ST6GALNAC5: variants seen among roughly 807,000 people sequenced by gnomAD.
The protein encoded by ST6GALNAC5 is ST6 N-acetylgalactosaminide alpha-2,6-sialyltransferase 5.
In ST6GALNAC5, 27 loss-of-function variants were observed where a neutral mutation model predicts 33.6. The observed-to-expected ratio is 0.80, with a 90% CI of 0.59 to 1.11. The LOEUF (loss-of-function observed/expected upper bound fraction) is 1.11, where lower values mean the gene tolerates loss of function less well. Ranked by LOEUF, ST6GALNAC5 falls within the 50% of genes least tolerant of loss-of-function variation. ST6GALNAC5 has a pLI of 0.00. For missense variants in ST6GALNAC5, 428 were observed against 454.0 expected, an observed-to-expected ratio of 0.94 and a Z score of 0.52; for synonymous variants, 194 against 171.2, an observed-to-expected ratio of 1.13 and a Z score of -1.04.
intron 2 of ST6GALNAC5, among the ~76,000 whole-genome samples, chr1:76,894,232 T>A (rs910108145): frequency 6.6e-6 from 1 of 152,174 alleles, no homozygotes; most frequent in African/African-American, 2.4e-5. Context: ...CATCATAAAA[T>A]TTTTGAAATT....
chr1:76,946,478 T>C (rs1342113998), intron 2 of ST6GALNAC5, among the ~76,000 whole-genome samples: 1 of 152,140 alleles, frequency 6.6e-6, no homozygotes, highest in Non-Finnish European at 1.5e-5. Flanking sequence ...TAGCAGCAAG[T>C]AATTACCTCC....
At chr1:77,050,191 A>C in intron 3 of ST6GALNAC5, 67 bp from the exon 4 acceptor site, 1 of 1,343,380 alleles carries the variant, frequency 7.4e-7, no homozygotes, top group Non-Finnish European at 1.1e-6. Context: ...CTAGGAAAGA[A>C]TTAAAGATGG....
At chr1:76,979,451 T>C (rs537818492) in intron 2 of ST6GALNAC5, among the ~76,000 whole-genome samples, 163 of 152,000 alleles carry the variant, frequency 1.1e-3, no homozygotes, top group Non-Finnish European at 1.9e-3. Flanking sequence ...TGAAACAGAA[T>C]AGAGAACCCA....
At chr1:77,030,658 T>C (rs1651418195) in intron 2 of ST6GALNAC5, among the ~76,000 whole-genome samples, 1 of 152,240 alleles carries the variant, frequency 6.6e-6, no homozygotes, top group African/African-American at 2.4e-5. Context: ...CAAGAGGTTA[T>C]AGATCTACTA....
In ST6GALNAC5 at chr1:76,963,546, G is replaced by C. The variant is rs573334048; in HGVS notation, c.262-80658G>C. Reference sequence around the variant, plus strand: ...AATGGGGTGTCCAAATCACAAGCCTGGTCTGGTTTAGGTGACCATCATATA... The same window carrying C: ...AATGGGGTGTCCAAATCACAAGCCTCGTCTGGTTTAGGTGACCATCATATA... On this transcript the variant is annotated intron_variant, in intron 2 of 4. Coordinates refer to ENST00000477717, the MANE Select transcript of ST6GALNAC5 (RefSeq NM_030965.3). Among the ~76,000 whole-genome samples, 18 of 152,282 alleles carry C rather than the reference G, an allele frequency of 1.2e-4. No homozygotes were observed. The South Asian group carries it at 3.7e-3, about 32-fold the overall frequency.
At position 76,969,743 on chromosome 1, in the gene ST6GALNAC5, C is replaced by T. The variant is rs570173824; in HGVS notation, c.262-74461C>T. Among the ~76,000 whole-genome samples the T allele has an allele frequency of 9.2e-5, 14 of 152,266 alleles. No homozygotes were observed. In the South Asian group the frequency reaches 1.7e-3, roughly 18 times the overall value. On this transcript the variant is annotated intron_variant, in intron 2 of 4. Coordinates refer to ENST00000477717, the MANE Select transcript of ST6GALNAC5 (RefSeq NM_030965.3). ...CCTCCTCAAGTGGGTCCCTGACCCC[C>T]GTGTAGCCTAACTGGGAGAGACCTC...
intron 2 of ST6GALNAC5, among the ~76,000 whole-genome samples, chr1:76,946,964 G>A (rs902410762): frequency 1.5e-5 from 2 of 134,808 alleles, no homozygotes; most frequent in Non-Finnish European, 3.2e-5. Context: ...AATACTAAGC[G>A]AATGAAACAT....
At chr1:76,954,258 C>T (rs543904235) in intron 2 of ST6GALNAC5, among the ~76,000 whole-genome samples, 1 of 152,190 alleles carries the variant, frequency 6.6e-6, no homozygotes, top group Admixed American at 6.5e-5. Flanking sequence ...AGCCATAATC[C>T]TTAGCAAACT....
At chr1:76,971,391 G>T (rs746313244) in intron 2 of ST6GALNAC5, among the ~76,000 whole-genome samples, 1 of 152,074 alleles carries the variant, frequency 6.6e-6, no homozygotes, top group Non-Finnish European at 1.5e-5. Flanking sequence ...ACTTGCGTGG[G>T]ATATTGATTT....
intron 2 of ST6GALNAC5, among the ~76,000 whole-genome samples, chr1:76,951,195 A>G (rs900077949): frequency 2.0e-5 from 3 of 152,158 alleles, no homozygotes; most frequent in Admixed American, 6.6e-5. Flanking sequence ...TCTCCCTGAA[A>G]GATGGCAGCT....
chr1:76,958,710 T>A (rs1648107076), intron 2 of ST6GALNAC5, among the ~76,000 whole-genome samples: 1 of 152,034 alleles, frequency 6.6e-6, no homozygotes, highest in African/African-American at 2.4e-5. Flanking sequence ...AATTTCATGA[T>A]CATGGTATCT....
chr1:76,989,570 T>G (rs1175059364), intron 2 of ST6GALNAC5, among the ~76,000 whole-genome samples: 1 of 152,186 alleles, frequency 6.6e-6, no homozygotes, highest in Admixed American at 6.6e-5. Flanking sequence ...TAATTTTTAT[T>G]ATTCATCTTT....
chr1:76,878,717 G>A (rs748324765), intron 2 of ST6GALNAC5, among the ~76,000 whole-genome samples: 1 of 152,144 alleles, frequency 6.6e-6, no homozygotes, highest in Non-Finnish European at 1.5e-5. Flanking sequence ...GAGGGGACAG[G>A]ATTCTCTGTT....
Position 76,940,647 on chromosome 1 carries a change from G to C in ST6GALNAC5, c.261+71905G>C, listed in dbSNP as rs1261018688. On this transcript the variant is annotated intron_variant, in intron 2 of 4. Coordinates refer to ENST00000477717, the MANE Select transcript of ST6GALNAC5 (RefSeq NM_030965.3). The stretch of plus-strand genomic sequence containing the variant: ...GTGGTAAACCAGGGACCAAAATCTG[G>C]TTCTTTGCCCCAGCTAGAGAAAGTC... Among the ~76,000 whole-genome samples, 3 of 152,118 alleles carry C rather than the reference G, an allele frequency of 2.0e-5. No individual in the cohort carries two copies. The East Asian group carries it at 5.8e-4, about 30-fold the overall frequency.
chr1:76,977,798 A>C (rs552539816), intron 2 of ST6GALNAC5, among the ~76,000 whole-genome samples: 2 of 152,298 alleles, frequency 1.3e-5, no homozygotes, highest in South Asian at 4.1e-4. Flanking sequence ...GAGGGTAGCT[A>C]TCTCTTTGAC....
intron 2 of ST6GALNAC5, among the ~76,000 whole-genome samples, chr1:76,978,671 T>C (rs1474314054): frequency 6.6e-6 from 1 of 152,196 alleles, no homozygotes; most frequent in East Asian, 1.9e-4. Context: ...GCTAACATCA[T>C]ACTGAACAGG....
intron 2 of ST6GALNAC5, among the ~76,000 whole-genome samples, chr1:77,010,449 C>T (rs1462343205): frequency 1.3e-5 from 2 of 152,010 alleles, no homozygotes; most frequent in East Asian, 1.9e-4. Context: ...GAACCAAGAT[C>T]GTGCCACTGC....
At position 76,982,095 on chromosome 1, in the gene ST6GALNAC5, C is replaced by T. The variant is rs143300131; in HGVS notation, c.262-62109C>T. Among the ~76,000 whole-genome samples the T allele has an allele frequency of 3.1e-3, 476 of 152,228 alleles. 3 individuals carry two copies. Among genetic ancestry groups the T allele is most frequent in the African/African-American group, 0.011 (455 of 41,558 alleles). ...AAGCTGAAAATTCTGAAAATCAGAG[C>T]ACCTCTTCTCCTCCAAAGGATCACA... On this transcript the variant is annotated intron_variant, in intron 2 of 4. Transcript: ENST00000477717.
At chr1:76,923,787 C>A (rs568348356) in intron 2 of ST6GALNAC5, among the ~76,000 whole-genome samples, 2 of 152,082 alleles carry the variant, frequency 1.3e-5, no homozygotes, top group Non-Finnish European at 1.5e-5. Flanking sequence ...TGCAGCAGAA[C>A]AATTACGTGT....
Sources: gnomAD v4.1 joint callset for allele counts (sites outside exome capture counted in the v4.1 genomes callset) on GRCh38, gnomAD v4.1.1 for gene constraint, MANE v1.5 for transcripts, NCBI Gene and HGNC (gene_info 2026-07-23, HGNC 2026-07-21) for gene names.